SLC39A6: variants seen among roughly 807,000 people sequenced by gnomAD.
SLC39A6 encodes solute carrier family 39 member 6, also known as zinc transporter ZIP6.
In SLC39A6, 51 loss-of-function variants were observed where a neutral mutation model predicts 63.5. The observed-to-expected ratio is 0.80, with a 90% CI of 0.64 to 1.01. The LOEUF is 1.01. Ranked by LOEUF, SLC39A6 falls within the 50% of genes least tolerant of loss-of-function variation. The pLI is 0.00. For missense variants in SLC39A6, 805 were observed against 927.8 expected (o/e 0.87, Z 1.72); for synonymous variants, 318 against 324.7 (o/e 0.98, Z 0.22).
intron 5 of SLC39A6, among the ~76,000 whole-genome samples, chr18:36,118,474 C>T (rs918569864): frequency 8.5e-5 from 13 of 152,084 alleles, no homozygotes; most frequent in African/African-American, 3.1e-4. Flanking sequence ...ATAACTTATA[C>T]CAAGACCTAA....
intron 4 of SLC39A6, 143 bp downstream of exon 4, chr18:36,123,351 CT>C: frequency 1.4e-6 from 1 of 724,228 alleles, no homozygotes; most frequent in East Asian, 2.8e-5. Flanking sequence ...AAAAATACAG[CT>C]TTCACTTACC....
rs533470091 is a variant in SLC39A6, at chr18:36,126,717, G to C, written c.291C>G (p.Asp97Glu). Reference sequence around the variant, plus strand: ...AGTGATGCTCGTGGTCTGAGTGATGGTCGTGGTCATGGTGTATATGGATTC... The same window carrying C: ...AGTGATGCTCGTGGTCTGAGTGATGCTCGTGGTCATGGTGTATATGGATTC... ...IKRIHIHHDH[D>E]HHSDHEHHSD... Residue 97 changes from aspartate (D) to glutamate (E), a missense_variant, in exon 2 of 10, where the codon GAC becomes GAG. Physicochemically the swap from Asp to Glu is conservative, Grantham distance 45. Coordinates refer to ENST00000269187, the MANE Select transcript of SLC39A6 (RefSeq NM_012319.4). The C allele has an allele frequency of 1.9e-5, 30 of 1,613,918 alleles. 1 individual carries two copies. Among genetic ancestry groups the C allele is most frequent in the South Asian group, 1.4e-4 (13 of 91,052 alleles).
At chr18:36,112,351 A>T in intron 8 of SLC39A6, 150 bp downstream of exon 8, 1 of 606,174 alleles carries the variant, frequency 1.6e-6, no homozygotes, top group Non-Finnish European at 3.0e-6. Context: ...GTGTATGAAG[A>T]TGATCCCTGA....
chr18:36,127,095 T>C, intron 1 of SLC39A6, 79 bp from the exon 2 acceptor site: 1 of 1,263,072 alleles, frequency 7.9e-7, no homozygotes, highest in Non-Finnish European at 1.1e-6. Flanking sequence ...TGAAAATTAA[T>C]GTGTAATCAA....
At chr18:36,120,022 C>T (rs1796615524) in intron 5 of SLC39A6, among the ~76,000 whole-genome samples, 1 of 151,738 alleles carries the variant, frequency 6.6e-6, no homozygotes, top group Non-Finnish European at 1.5e-5. Context: ...AAGAAGAAAA[C>T]AACCCAATCC....
intron 4 of SLC39A6, among the ~76,000 whole-genome samples, chr18:36,122,924 C>T (rs111316194): frequency 0.011 from 1,624 of 152,290 alleles, 41 homozygotes; most frequent in African/African-American, 0.036. Context: ...ATTTGTAGTG[C>T]TCTAGGTATG....
Position 36,114,376 on chromosome 18 carries a change from C to T in SLC39A6, c.1564G>A (p.Ala522Thr). 1 of 1,614,204 alleles carries T rather than the reference C, an allele frequency of 6.2e-7. No homozygotes were observed. Among genetic ancestry groups the T allele is most frequent in the Non-Finnish European group, 8.5e-7 (1 of 1,180,022 alleles). The change falls in exon 7 of 10, where the codon GCT becomes ACT. Residue 522 changes from alanine (A) to threonine (T), a missense_variant. Ala to Thr is a moderately conservative substitution (Grantham distance 58, BLOSUM62 0). Coordinates refer to ENST00000269187, the MANE Select transcript of SLC39A6 (RefSeq NM_012319.4). ...TCATTGTAGACTTCCTGTGGATGAGCATGAGCTATCATGACCTCTTCTTCT... is the reference window on the plus strand; with the variant it reads ...TCATTGTAGACTTCCTGTGGATGAGTATGAGCTATCATGACCTCTTCTTCT... ...LEEEEVMIAH[A>T]HPQEVYNEYV... is the part of the protein sequence containing the mutation.
At chr18:36,120,994 T>C (rs1340473868) in intron 5 of SLC39A6, among the ~76,000 whole-genome samples, 2 of 152,016 alleles carry the variant, frequency 1.3e-5, no homozygotes, top group Non-Finnish European at 2.9e-5. Flanking sequence ...TTGGAAATCA[T>C]AGATGAAGCA....
intron 9 of SLC39A6, among the ~76,000 whole-genome samples, chr18:36,110,808 T>C (rs924331087): frequency 6.6e-6 from 1 of 152,096 alleles, no homozygotes; most frequent in Non-Finnish European, 1.5e-5. Context: ...TCCCAAAATG[T>C]TGGACTAACA....
At chr18:36,127,517 A>T (rs945880589) in intron 1 of SLC39A6, among the ~76,000 whole-genome samples, 9 of 152,174 alleles carry the variant, frequency 5.9e-5, no homozygotes, top group African/African-American at 1.9e-4. Flanking sequence ...CAAAAAAAAA[A>T]AAGAACGAAA....
chr18:36,111,361 A>G (rs2089298395), intron 8 of SLC39A6, 112 bp from the exon 9 acceptor site: 3 of 932,900 alleles, frequency 3.2e-6, no homozygotes. Context: ...TGAGAGGGGG[A>G]AAAGAAAACA....
chr18:36,126,435 C>T lies in SLC39A6; in HGVS notation c.573G>A (p.Val191=). Residue 191 remains valine, a synonymous_variant, in exon 2 of 10, where the codon GTG becomes GTA. Coordinates refer to ENST00000269187, the MANE Select transcript of SLC39A6 (RefSeq NM_012319.4). ...SVSASEVTST[V]YNTVSEGTHF... Reference sequence around the variant, plus strand: ...GAGTTCCTTCAGAGACAGTGTTGTACACAGTTGAGGTCACTTCACTAGCAC... The same window carrying T: ...GAGTTCCTTCAGAGACAGTGTTGTATACAGTTGAGGTCACTTCACTAGCAC... 1 of 1,614,188 alleles carries T rather than the reference C, an allele frequency of 6.2e-7. No individual in the cohort carries two copies. The highest frequency in any genetic ancestry group is 8.5e-7 in the Non-Finnish European group (1 of 1,180,026).
intron 2 of SLC39A6, 80 bp from the exon 3 acceptor site, chr18:36,124,780 A>C (rs2089422573): frequency 1.8e-6 from 2 of 1,116,632 alleles, no homozygotes; most frequent in African/African-American, 3.1e-5. Context: ...CTTTTTTACT[A>C]ATGCTACTTC....
At chr18:36,125,056 T>C (rs2089425056) in intron 2 of SLC39A6, among the ~76,000 whole-genome samples, 1 of 152,168 alleles carries the variant, frequency 6.6e-6, no homozygotes, top group Non-Finnish European at 1.5e-5. Context: ...TCATCAGAGA[T>C]TGAGAAATAT....
At chr18:36,110,908 T>G in intron 9 of SLC39A6, 151 bp downstream of exon 9, 1 of 1,272,068 alleles carries the variant, frequency 7.9e-7, no homozygotes, top group Non-Finnish European at 1.1e-6. Flanking sequence ...GAAGGATCAT[T>G]TGGGCTCAGG....
chr18:36,123,594 A>C lies in SLC39A6; in HGVS notation c.1041T>G (p.Pro347=), dbSNP rs775084388. 1 of 1,613,970 alleles carries C rather than the reference A, an allele frequency of 6.2e-7. No homozygotes were observed. Among genetic ancestry groups the C allele is most frequent in the Non-Finnish European group, 8.5e-7 (1 of 1,179,948 alleles). The stretch of plus-strand genomic sequence containing the variant: ...ATTTGAAAAACACCCGATTCATGAG[A>C]GGCACTAAGATAACCCCCAGCAGAG... ...FLSLLGVILV[P]LMNRVFFKFL... is the part of the protein sequence containing the mutation. Residue 347 remains proline, a synonymous_variant, in exon 4 of 10, where the codon CCT becomes CCG. Coordinates refer to ENST00000269187, the MANE Select transcript of SLC39A6 (RefSeq NM_012319.4).
intron 5 of SLC39A6, 76 bp downstream of exon 5, chr18:36,121,976 T>G (rs2089397798): frequency 9.3e-7 from 1 of 1,070,650 alleles, no homozygotes; most frequent in African/African-American, 1.6e-5. Context: ...GGGCATGCTA[T>G]TCTAACAATC....
In SLC39A6 at chr18:36,129,313, GC is replaced by G. The variant is rs1183652957; in HGVS notation, c.-210del. The G allele has an allele frequency of 6.1e-6, 1 of 162,776 alleles. No homozygotes were observed. Among genetic ancestry groups the G allele is most frequent in the Non-Finnish European group, 1.4e-5 (1 of 73,762 alleles). The allele number at this position is 162,776 out of a possible 1,614,324, so 10.1% of individuals were successfully genotyped here. On this transcript the variant is annotated 5_prime_UTR_variant, in exon 1 of 10. Coordinates refer to ENST00000269187, the MANE Select transcript of SLC39A6 (RefSeq NM_012319.4). Reference sequence around the variant, plus strand: ...CAGCCACCCGGCAGCCGCGCCCCTAGCCTTCGCGAAGCTGGAAGACAATCAC... The same window carrying G: ...CAGCCACCCGGCAGCCGCGCCCCTAGCTTCGCGAAGCTGGAAGACAATCAC...
In SLC39A6 at chr18:36,116,693, C is replaced by T; in HGVS notation, c.1446G>A (p.Glu482=). ...KYESQLSTNE[E]KVDTDDRTEG... ...ACTTACGATCATCTGTATCTACTTT[C>T]TCCTCATTTGTTGAAAGTTGAGATT... The change falls in exon 6 of 10, where the codon GAG becomes GAA. Residue 482 remains glutamate (E), a synonymous_variant. Coordinates refer to ENST00000269187, the MANE Select transcript of SLC39A6 (RefSeq NM_012319.4). 6.2e-7 allele frequency: 1 copy of T among 1,610,584 alleles called. No individual in the cohort carries two copies. The highest frequency in any genetic ancestry group is 8.5e-7 in the Non-Finnish European group (1 of 1,177,008).
Sources: gnomAD v4.1 joint callset for allele counts (sites outside exome capture counted in the v4.1 genomes callset) on GRCh38, gnomAD v4.1.1 for gene constraint, MANE v1.5 for transcripts, NCBI Gene and HGNC (gene_info 2026-07-23, HGNC 2026-07-21) for gene names.